CLEC1A: variants seen among roughly 807,000 people sequenced by gnomAD.
CLEC1A encodes the protein C-type lectin-like receptor-1.
CLEC1A carries 34 observed loss-of-function variants against 28.7 expected under a neutral mutation model. The ratio of observed to expected loss-of-function variants is 1.18; its 90% CI spans 0.90 to 1.57. The LOEUF is 1.57. Ranked by LOEUF, CLEC1A falls within the 40% of genes most tolerant of loss-of-function variation. The pLI is 0.00. For missense variants in CLEC1A, 385 were observed against 339.5 expected (o/e 1.13, Z -1.05); for synonymous variants, 116 against 121.0 (o/e 0.96, Z 0.27).
At chr12:10,076,098 G>A (rs1866246659) in intron 3 of CLEC1A, among the ~76,000 whole-genome samples, 1 of 152,192 alleles carries the variant, frequency 6.6e-6, no homozygotes. Context: ...CCAATATGAT[G>A]TGGAGTCTTT....
intron 4 of CLEC1A, 35 bp from the exon 5 acceptor site, chr12:10,073,446 G>A (rs774073379): frequency 1.3e-6 from 2 of 1,523,312 alleles, no homozygotes; most frequent in Admixed American, 1.7e-5. Context: ...TTTAGCTTTG[G>A]TGGCATGATT....
chr12:10,087,474 A>T (rs914383098), intron 2 of CLEC1A, among the ~76,000 whole-genome samples: 3 of 1,210 alleles, frequency 2.5e-3, no homozygotes, highest in African/African-American at 3.1e-3. Context: ...CCTCAAAGTT[A>T]TATATATATA....
chr12:10,096,070 C>A (rs999005725), intron 1 of CLEC1A, among the ~76,000 whole-genome samples: 1 of 152,084 alleles, frequency 6.6e-6, no homozygotes, highest in Non-Finnish European at 1.5e-5. Context: ...GACTTAGGTA[C>A]CTCATTTACT....
intron 1 of CLEC1A, among the ~76,000 whole-genome samples, chr12:10,095,116 G>A (rs193162744): frequency 1.3e-5 from 2 of 152,202 alleles, no homozygotes; most frequent in Admixed American, 1.3e-4. Context: ...ATAATGTCTT[G>A]TCATTAGTAG....
chr12:10,090,837 A>G (rs1947692708), intron 1 of CLEC1A, among the ~76,000 whole-genome samples: 1 of 152,108 alleles, frequency 6.6e-6, no homozygotes, highest in African/African-American at 2.4e-5. Flanking sequence ...AAAAATGGCA[A>G]TTTTATTATG....
At chr12:10,084,821 CAAAAAAAAAA>C (rs57574014) in intron 2 of CLEC1A, among the ~76,000 whole-genome samples, 26 of 83,762 alleles carry the variant, frequency 3.1e-4, no homozygotes, top group Admixed American at 4.8e-4. Flanking sequence ...GACTCTGTAT[CAAAAAAAAAA>C]AAAAAAAAAA....
rs756969451 is a variant in CLEC1A at position 10,089,107 on chromosome 12, T to G, written c.214+17A>C. On this transcript the variant is annotated intron_variant, in intron 2 of 5. Transcript: ENST00000315330. ...CTTGGAACCAGGATCCTCCCCCAGG[T>G]CAGAGCGCAGACTTACACAAAAGCC... 6.3e-6 allele frequency: 10 copies of G among 1,594,372 alleles called. No homozygotes were observed. The South Asian group carries it at 1.1e-4, about 18-fold the overall frequency.
intron 3 of CLEC1A, among the ~76,000 whole-genome samples, chr12:10,080,865 T>C (rs1412608977): frequency 6.6e-6 from 1 of 152,246 alleles, no homozygotes; most frequent in African/African-American, 2.4e-5. Flanking sequence ...CCCTGTATGT[T>C]GTTTAAGATT....
At chr12:10,084,714 C>T (rs1465612482) in intron 2 of CLEC1A, among the ~76,000 whole-genome samples, 1 of 146,932 alleles carries the variant, frequency 6.8e-6, no homozygotes, top group Non-Finnish European at 1.5e-5. Context: ...CCCAGCTACT[C>T]AGAATGCTGG....
intron 2 of CLEC1A, among the ~76,000 whole-genome samples, chr12:10,084,944 T>C (rs1018804507): frequency 1.3e-5 from 2 of 151,512 alleles, no homozygotes; most frequent in South Asian, 2.1e-4. Context: ...GCAGAAAGGA[T>C]TGGGGTCCTA....
intron 2 of CLEC1A, among the ~76,000 whole-genome samples, chr12:10,081,917 G>C (rs1386803285): frequency 1.3e-5 from 2 of 152,094 alleles, no homozygotes; most frequent in Non-Finnish European, 2.9e-5. Flanking sequence ...ACCTGGAGCA[G>C]AAATGGATGT....
intron 2 of CLEC1A, among the ~76,000 whole-genome samples, chr12:10,083,547 CA>C (rs1269472233): frequency 1.3e-5 from 2 of 152,208 alleles, no homozygotes; most frequent in Non-Finnish European, 2.9e-5. Flanking sequence ...TGGCTCACTG[CA>C]ACCTGGATCT....
In CLEC1A at chr12:10,084,835, A is replaced by AAAAAG. The variant is rs1297595488; in HGVS notation, c.215-3423_215-3422insCTTTT. Among the ~76,000 whole-genome samples the AAAAAG allele has an allele frequency of 1.3e-3, 177 of 134,418 alleles. 1 individual carries two copies. The highest frequency in any genetic ancestry group is 5.3e-3 in the African/African-American group (173 of 32,596). The allele number at this position is 134,418 out of a possible 152,430, so 88.2% of individuals were successfully genotyped here. A position where few individuals can be genotyped will look rare whatever the true frequency, so the allele number is the denominator to read the frequency against. ...AGACTCTGTATCAAAAAAAAAAAAA[A>AAAAAG]AAAAAAAAGAAAAGAAAATGTTGTA... On this transcript the variant is annotated intron_variant, in intron 2 of 5. Coordinates refer to ENST00000315330, the MANE Select transcript of CLEC1A (RefSeq NM_016511.4).
At chr12:10,086,713 A>T (rs546939661) in intron 2 of CLEC1A, among the ~76,000 whole-genome samples, 3 of 152,386 alleles carry the variant, frequency 2.0e-5, no homozygotes, top group Admixed American at 2.0e-4. Context: ...TTCACAGCTG[A>T]ATTCCATCAG....
At chr12:10,071,667 C>T (rs1028498417) in intron 5 of CLEC1A, among the ~76,000 whole-genome samples, 154 bp from the exon 6 acceptor site, 15 of 152,288 alleles carry the variant, frequency 9.8e-5, no homozygotes, top group African/African-American at 3.6e-4. Context: ...TCTTCAGCCC[C>T]TAAGTTTCCA....
chr12:10,089,099 C>A, intron 2 of CLEC1A, 25 bp downstream of exon 2: 1 of 1,559,998 alleles, frequency 6.4e-7, no homozygotes, highest in South Asian at 1.1e-5. Context: ...CCAGGATCCT[C>A]CCCCAGGTCA....
intron 5 of CLEC1A, 58 bp downstream of exon 5, chr12:10,073,235 C>CA: frequency 7.7e-7 from 1 of 1,298,850 alleles, no homozygotes; most frequent in Non-Finnish European, 1.1e-6. Context: ...TGAGCTCTAT[C>CA]ACTCAAGCAA....
chr12:10,085,090 G>C (rs1163099185), intron 2 of CLEC1A, among the ~76,000 whole-genome samples: 1 of 151,794 alleles, frequency 6.6e-6, no homozygotes, highest in Non-Finnish European at 1.5e-5. Flanking sequence ...CCAAGACAGA[G>C]CTACAAGAAA....
At chr12:10,089,950 A>G (rs925188051) in intron 1 of CLEC1A, among the ~76,000 whole-genome samples, 1 of 152,188 alleles carries the variant, frequency 6.6e-6, no homozygotes, top group Non-Finnish European at 1.5e-5. Flanking sequence ...CTCCATTCCC[A>G]TAAGTTTGAC....
Sources: allele counts gnomAD v4.1 joint callset (sites outside exome capture counted in the v4.1 genomes callset), GRCh38; gene constraint gnomAD v4.1.1; transcripts MANE v1.5; gene names NCBI Gene and HGNC (gene_info 2026-07-23, HGNC 2026-07-21).